DXO: variants seen among roughly 807,000 people sequenced by gnomAD.
The protein encoded by DXO is decapping exoribonuclease, also known as decapping and exoribonuclease protein.
Under a neutral mutation model 39.8 loss-of-function variants are expected in DXO, and 42 were observed. The ratio of observed to expected loss-of-function variants is 1.06; its 90% CI spans 0.83 to 1.37. The LOEUF (loss-of-function observed/expected upper bound fraction) is 1.37. DXO is among the 40% of genes most tolerant of loss of function. The pLI, the probability that DXO is intolerant of heterozygous loss-of-function variation, is 0.00. For synonymous variants in DXO, 193 were observed against 200.4 expected, an observed-to-expected ratio of 0.96 and a Z score of 0.31; for missense variants, 495 against 513.0, an observed-to-expected ratio of 0.96 and a Z score of 0.34.
At position 31,970,720 on chromosome 6, in the gene DXO, C is replaced by T. The variant is rs1303788655; in HGVS notation, c.698G>A (p.Gly233Glu). The change falls in exon 4 of 7, where the codon GGG becomes GAG. Residue 233 changes from glycine to glutamate, a missense_variant. Gly to Glu is a moderately conservative substitution (Grantham distance 98). Coordinates refer to ENST00000337523, the MANE Select transcript of DXO (RefSeq NM_005510.4). This position sits in a 1 kb window ranked among gnomAD's most constrained non-coding sequence, Gnocchi z 4.0. ...TTGGGGGTCTGTGCAGTCTACCTCC[C>T]CTGAGAAGAGCAGAGGGTGGCTTCC... ...RLGSHPLLFS[G>E]EVDCTDPQAP... 1 of 1,612,770 alleles carries T rather than the reference C, an allele frequency of 6.2e-7. No homozygotes were observed. The highest frequency in any genetic ancestry group is 8.5e-7 in the Non-Finnish European group (1 of 1,180,000).
Position 31,970,422 on chromosome 6 carries a change from A to T in DXO, c.869T>A (p.Val290Asp). Residue 290 changes from valine (V) to aspartate (D), a missense_variant, in exon 5 of 7, where the codon GTT (valine) becomes GAT (aspartate). Transcript: ENST00000337523. This position sits in a 1 kb window ranked among gnomAD's most constrained non-coding sequence, Gnocchi z 4.0. ...ACCGTCTGGGTTACGGAAGCCAGCA[A>T]CAACATTCGGGACCCCTGGGAGGAA... ...QSFLPGVPNV[V>D]AGFRNPDGFV... 1.2e-6 allele frequency: 2 copies of T among 1,614,154 alleles called. No individual in the cohort carries two copies. Among genetic ancestry groups the T allele is most frequent in the East Asian group, 4.5e-5 (2 of 44,892 alleles).
chr6:31,971,634 C>T lies in DXO; in HGVS notation c.42G>A (p.Glu14=). 1.9e-6 allele frequency: 3 copies of T among 1,611,080 alleles called. No homozygotes were observed. Among genetic ancestry groups the T allele is most frequent in the Non-Finnish European group, 2.5e-6 (3 of 1,179,974 alleles). ...RGTKRGAEKT[E]VAEPRNKLPR... ...GTAGTTTGTTCCGAGGCTCAGCTACCTCTGTCTTCTCAGCTCCTCTCTTGG... is the reference window on the plus strand; with the variant it reads ...GTAGTTTGTTCCGAGGCTCAGCTACTTCTGTCTTCTCAGCTCCTCTCTTGG... The change falls in exon 2 of 7, where the codon GAG becomes GAA. Residue 14 remains glutamate (E), a synonymous_variant. Transcript: ENST00000337523. The surrounding 1 kb of genome is among the most constrained non-coding windows in gnomAD (Gnocchi z 4.5).
At position 31,971,262 on chromosome 6, in the gene DXO, C is replaced by T. The variant is rs888369714; in HGVS notation, c.356+58G>A. The stretch of plus-strand genomic sequence containing the variant: ...GATTCTCACCCCGGCTTTGGCTCTC[C>T]TAATTTTAGAGGGTAGGTACGGGTC... On this transcript the variant is annotated intron_variant, in intron 2 of 6. Transcript: ENST00000337523. This position sits in a 1 kb window ranked among gnomAD's most constrained non-coding sequence, Gnocchi z 4.5. The T allele has an allele frequency of 3.2e-6, 5 of 1,540,676 alleles. No individual in the cohort carries two copies. In the Admixed American group the frequency reaches 9.7e-5, roughly 30 times the overall value.
chr6:31,971,887 G>C lies in DXO; in HGVS notation c.-7+42C>G, dbSNP rs953498261. The C allele has an allele frequency of 7.4e-6, 11 of 1,488,652 alleles. No homozygotes were observed. The African/African-American group carries it at 1.4e-4, about 19-fold the overall frequency. 92.2% of individuals were successfully genotyped at this position (1,488,652 alleles called of 1,614,324 possible). A position where few individuals can be genotyped will look rare whatever the true frequency, so the allele number is the denominator to read the frequency against. On this transcript the variant is annotated intron_variant, in intron 1 of 6. Coordinates refer to ENST00000337523, the MANE Select transcript of DXO (RefSeq NM_005510.4). The surrounding 1 kb of genome is among the most constrained non-coding windows in gnomAD (Gnocchi z 4.5). ...CCTCCAGGTCCTCCAAATGCAGTGA[G>C]GTTAGGAAGGACGTCTGCGCTCAGA...
In DXO at chr6:31,970,197, G is replaced by A. The variant is rs773797053; in HGVS notation, c.955C>T (p.Arg319Cys). The A allele has an allele frequency of 3.7e-6, 6 of 1,613,842 alleles. No homozygotes were observed. The highest frequency in any genetic ancestry group is 2.7e-5 in the African/African-American group (2 of 74,864). Residue 319 changes from arginine to cysteine, a missense_variant, in exon 6 of 7, where the codon CGT becomes TGT. By Grantham distance (180) the Arg-to-Cys change is radical. Coordinates refer to ENST00000337523, the MANE Select transcript of DXO (RefSeq NM_005510.4). The surrounding 1 kb of genome is among the most constrained non-coding windows in gnomAD (Gnocchi z 4.0). ...CACACAGAGGGATTCCAGCCGTCAC[G>A]GTCATTCTGGAGCAGGCAGAGGAGG... ...MKMFEYVRND[R>C]DGWNPSVCMN...
chr6:31,971,897 G>C lies in DXO; in HGVS notation c.-7+32C>G. On this transcript the variant is annotated intron_variant, in intron 1 of 6. Coordinates refer to ENST00000337523, the MANE Select transcript of DXO (RefSeq NM_005510.4). The surrounding 1 kb of genome is among the most constrained non-coding windows in gnomAD (Gnocchi z 4.5). ...CTCCAAATGCAGTGAGGTTAGGAAG[G>C]ACGTCTGCGCTCAGATCAAGAATCC... is the stretch of plus-strand genomic sequence containing the variant. The C allele has an allele frequency of 6.6e-7, 1 of 1,505,868 alleles. No homozygotes were observed. The highest frequency in any genetic ancestry group is 8.9e-7 in the Non-Finnish European group (1 of 1,123,224). The allele number at this position is 1,505,868 out of a possible 1,614,324, so 93.3% of individuals were successfully genotyped here. A position where few individuals can be genotyped will look rare whatever the true frequency, so the allele number is the denominator to read the frequency against.
chr6:31,971,278 G>C lies in DXO; in HGVS notation c.356+42C>G. The C allele has an allele frequency of 6.5e-7, 1 of 1,537,032 alleles. No homozygotes were observed. The highest frequency in any genetic ancestry group is 8.8e-7 in the Non-Finnish European group (1 of 1,141,410). ...TTGGCTCTCCTAATTTTAGAGGGTA[G>C]GTACGGGTCTCCAGATATACTGCCT... On this transcript the variant is annotated intron_variant, in intron 2 of 6. Transcript: ENST00000337523. This position sits in a 1 kb window ranked among gnomAD's most constrained non-coding sequence, Gnocchi z 4.5.
rs1773332797 is a variant in DXO, at chr6:31,971,580, G to T, written c.96C>A (p.Asp32Glu). 1.2e-6 allele frequency: 2 copies of T among 1,614,046 alleles called. No homozygotes were observed. Among genetic ancestry groups the T allele is most frequent in the African/African-American group, 1.3e-5 (1 of 75,038 alleles). ...LPRPAPSLPT[D>E]PALYSGPFPF... is the part of the protein sequence containing the mutation. Reference sequence around the variant, plus strand: ...GAAAGGGCCCAGAGTAGAGGGCAGGGTCTGTGGGCAGAGAAGGTGCTGGAC... The same window carrying T: ...GAAAGGGCCCAGAGTAGAGGGCAGGTTCTGTGGGCAGAGAAGGTGCTGGAC... The change falls in exon 2 of 7, where the codon GAC becomes GAA. Residue 32 changes from aspartate to glutamate, a missense_variant. Asp to Glu is a conservative substitution (Grantham distance 45, BLOSUM62 2). Transcript: ENST00000337523. The surrounding 1 kb of genome is among the most constrained non-coding windows in gnomAD (Gnocchi z 4.5).
In DXO at chr6:31,971,631, T is replaced by C. The variant is rs746190343; in HGVS notation, c.45A>G (p.Val15=). Reference sequence around the variant, plus strand: ...GAGGTAGTTTGTTCCGAGGCTCAGCTACCTCTGTCTTCTCAGCTCCTCTCT... The same window carrying C: ...GAGGTAGTTTGTTCCGAGGCTCAGCCACCTCTGTCTTCTCAGCTCCTCTCT... ...GTKRGAEKTE[V]AEPRNKLPRP... The change falls in exon 2 of 7, where the codon GTA becomes GTG. Residue 15 remains valine (V), a synonymous_variant. Coordinates refer to ENST00000337523, the MANE Select transcript of DXO (RefSeq NM_005510.4). The surrounding 1 kb of genome is among the most constrained non-coding windows in gnomAD (Gnocchi z 4.5). The C allele has an allele frequency of 6.2e-7, 1 of 1,611,674 alleles. No individual in the cohort carries two copies. Among genetic ancestry groups the C allele is most frequent in the South Asian group, 1.1e-5 (1 of 91,082 alleles).
chr6:31,969,982 G>A lies in DXO; in HGVS notation c.1086C>T (p.Thr362=), dbSNP rs745460172. ...AAGGTGCATCTTGGTGTACAGACAC[G>A]GTGACTGGGCCGCCAGGCTCCCAAG... ...LFSWEPGGPV[T]VSVHQDAPYA... is the part of the protein sequence containing the mutation. The change falls in exon 7 of 7, where the codon ACC becomes ACT. Residue 362 remains threonine (T), a synonymous_variant. Transcript: ENST00000337523. The surrounding 1 kb of genome is among the most constrained non-coding windows in gnomAD (Gnocchi z 6.1). 7.5e-5 allele frequency: 121 copies of A among 1,613,886 alleles called. No individual in the cohort carries two copies. Among genetic ancestry groups the A allele is most frequent in the Admixed American group, 1.7e-5 (1 of 59,992 alleles).
In DXO at chr6:31,971,273, G is replaced by A; in HGVS notation, c.356+47C>T. The A allele has an allele frequency of 6.5e-7, 1 of 1,536,914 alleles. No homozygotes were observed. Among genetic ancestry groups the A allele is most frequent in the Admixed American group, 2.0e-5 (1 of 50,952 alleles). On this transcript the variant is annotated intron_variant, in intron 2 of 6. Transcript: ENST00000337523. This position sits in a 1 kb window ranked among gnomAD's most constrained non-coding sequence, Gnocchi z 4.5. ...CGGCTTTGGCTCTCCTAATTTTAGA[G>A]GGTAGGTACGGGTCTCCAGATATAC...
rs1169462043 is a variant in DXO, at chr6:31,970,924, A to G, written c.580T>C (p.Tyr194His). 3 of 1,612,548 alleles carry G rather than the reference A, an allele frequency of 1.9e-6. No individual in the cohort carries two copies. In the South Asian group the frequency reaches 3.3e-5, roughly 18 times the overall value. The change falls in exon 3 of 7, where the codon TAC becomes CAC. Residue 194 changes from tyrosine (Y) to histidine (H), a missense_variant. Transcript: ENST00000337523. This position sits in a 1 kb window ranked among gnomAD's most constrained non-coding sequence, Gnocchi z 4.0. Reference protein sequence around the residue: ...LMYMGYKFEQYMCADKPGSSP... With the variant: ...LMYMGYKFEQHMCADKPGSSP... ...AGGGGCAACTCACCTGCACACATGT[A>G]CTGCTCAAATTTGTATCCCATGTAC...
At position 31,969,913 on chromosome 6, in the gene DXO, G is replaced by A. The variant is rs764847037; in HGVS notation, c.1155C>T (p.Asp385=). Residue 385 remains aspartate, a synonymous_variant, in exon 7 of 7, where the codon GAC becomes GAT. Transcript: ENST00000337523. This position sits in a 1 kb window ranked among gnomAD's most constrained non-coding sequence, Gnocchi z 6.1. The part of the protein sequence containing the change: ...PIWYVEAMTQ[D]LPSPPKTPSP... Reference sequence around the variant, plus strand: ...AGGGAGTCTTGGGGGGTGATGGGAGGTCCTGAGTCATAGCTTCCACATACC... The same window carrying A: ...AGGGAGTCTTGGGGGGTGATGGGAGATCCTGAGTCATAGCTTCCACATACC... 2.5e-6 allele frequency: 4 copies of A among 1,614,138 alleles called. No homozygotes were observed. The South Asian group carries it at 4.4e-5, about 18-fold the overall frequency.
At position 31,970,615 on chromosome 6, in the gene DXO, C is replaced by T; in HGVS notation, c.803G>A (p.Ser268Asn). ...CACCCCGATCCTGAACCTGTAGAAACTCCTCCATTGGCCAGGGCTGTGCAT... is the reference window on the plus strand; with the variant it reads ...CACCCCGATCCTGAACCTGTAGAAATTCCTCCATTGGCCAGGGCTGTGCAT... ...KEMHSPGQWR[S>N]FYRHKLLKWW... Residue 268 changes from serine (S) to asparagine (N), a missense_variant, in exon 4 of 7, where the codon AGT becomes AAT. By Grantham distance (46) the Ser-to-Asn change is conservative. Coordinates refer to ENST00000337523, the MANE Select transcript of DXO (RefSeq NM_005510.4). The surrounding 1 kb of genome is among the most constrained non-coding windows in gnomAD (Gnocchi z 4.0). 6.2e-7 allele frequency: 1 copy of T among 1,613,314 alleles called. No homozygotes were observed. Among genetic ancestry groups the T allele is most frequent in the South Asian group, 1.1e-5 (1 of 91,084 alleles).
Position 31,970,027 on chromosome 6 carries a change from G to C in DXO, c.1044-3C>G, listed in dbSNP as rs377219706. On this transcript the variant is annotated splice_polypyrimidine_tract_variant and splice_region_variant and intron_variant, in intron 6 of 6. Coordinates refer to ENST00000337523, the MANE Select transcript of DXO (RefSeq NM_005510.4). This position sits in a 1 kb window ranked among gnomAD's most constrained non-coding sequence, Gnocchi z 4.0. ...CCCAAGAGAAGAGATGAACGAGCCTGGGGGGCAGATGGAGGCATCAGTTGA... is the reference window on the plus strand; with the variant it reads ...CCCAAGAGAAGAGATGAACGAGCCTCGGGGGCAGATGGAGGCATCAGTTGA... The C allele has an allele frequency of 4.8e-5, 78 of 1,613,912 alleles. No homozygotes were observed. Among genetic ancestry groups the C allele is most frequent in the Non-Finnish European group, 6.4e-5 (75 of 1,180,006 alleles).
In DXO at chr6:31,970,861, G is replaced by A. The variant is rs766000650; in HGVS notation, c.593-36C>T. On this transcript the variant is annotated intron_variant, in intron 3 of 6. Coordinates refer to ENST00000337523, the MANE Select transcript of DXO (RefSeq NM_005510.4). The surrounding 1 kb of genome is among the most constrained non-coding windows in gnomAD (Gnocchi z 4.0). ...AGAGAAGCAGCAGCAGGCGTGGGGG[G>A]CTCTCAACCTCTGGGAAGGGGAAGG... The A allele has an allele frequency of 6.2e-7, 1 of 1,611,344 alleles. No homozygotes were observed. The highest frequency in any genetic ancestry group is 8.5e-7 in the Non-Finnish European group (1 of 1,178,890).
rs1562675189 is a variant in DXO at position 31,970,233 on chromosome 6, T to TG, written c.949-31dup. 1.2e-6 allele frequency: 2 copies of TG among 1,613,046 alleles called. No individual in the cohort carries two copies. The highest frequency in any genetic ancestry group is 8.5e-7 in the Non-Finnish European group (1 of 1,179,824). On this transcript the variant is annotated intron_variant, in intron 5 of 6. Coordinates refer to ENST00000337523, the MANE Select transcript of DXO (RefSeq NM_005510.4). This position sits in a 1 kb window ranked among gnomAD's most constrained non-coding sequence, Gnocchi z 4.0. Reference sequence around the variant, plus strand: ...AGCAGGCAGAGGAGGAGGCAGAAGATGGGCAGTGGGGGTGGTGGGAGGAGA... The same window carrying TG: ...AGCAGGCAGAGGAGGAGGCAGAAGATGGGGCAGTGGGGGTGGTGGGAGGAGA...
chr6:31,971,916 AG>A lies in DXO; in HGVS notation c.-7+12del. 1.6e-5 allele frequency: 25 copies of A among 1,532,648 alleles called. No individual in the cohort carries two copies. The highest frequency in any genetic ancestry group is 2.2e-5 in the Non-Finnish European group (25 of 1,138,308). The allele number at this position is 1,532,648 out of a possible 1,614,324, so 94.9% of individuals were successfully genotyped here. On this transcript the variant is annotated intron_variant, in intron 1 of 6. Coordinates refer to ENST00000337523, the MANE Select transcript of DXO (RefSeq NM_005510.4). The surrounding 1 kb of genome is among the most constrained non-coding windows in gnomAD (Gnocchi z 4.5). The stretch of plus-strand genomic sequence containing the variant: ...AGGAAGGACGTCTGCGCTCAGATCA[AG>A]AATCCAGTTACCTCAAAGCTCCCCA...
rs552896673 is a variant in DXO at position 31,970,992 on chromosome 6, C to T, written c.512G>A (p.Arg171Gln). Residue 171 changes from arginine to glutamine, a missense_variant, in exon 3 of 7, where the codon CGG becomes CAG. Physicochemically the swap from Arg to Gln is conservative, Grantham distance 43 (BLOSUM62 1). Coordinates refer to ENST00000337523, the MANE Select transcript of DXO (RefSeq NM_005510.4). The surrounding 1 kb of genome is among the most constrained non-coding windows in gnomAD (Gnocchi z 4.0). ...CGGTGGCCGAGCAAGCCTCTGGGCCCGAGCGTTCGGTGTCTCCACTTCACT... is the reference window on the plus strand; with the variant it reads ...CGGTGGCCGAGCAAGCCTCTGGGCCTGAGCGTTCGGTGTCTCCACTTCACT... ...YLSEVETPNA[R>Q]AQRLARPPLL... 5.0e-5 allele frequency: 80 copies of T among 1,613,010 alleles called. No homozygotes were observed. The East Asian group carries it at 1.2e-3, about 24-fold the overall frequency.
Sources: gnomAD v4.1 joint callset for allele counts on GRCh38, gnomAD v4.1.1 for gene constraint, Gnocchi (gnomAD v3.1) non-coding constraint, MANE v1.5 for transcripts, NCBI Gene and HGNC (gene_info 2026-07-23, HGNC 2026-07-21) for gene names.